The following IGDCC4 variants were observed in gnomAD, a reference collection of about 807,000 sequenced individuals.
The protein encoded by IGDCC4 is immunoglobulin superfamily DCC subclass member 4.
A neutral mutation model predicts 116.6 loss-of-function variants in IGDCC4; 72 were observed. The observed-to-expected ratio is 0.62, with a 90% confidence interval of 0.51 to 0.75. The LOEUF (loss-of-function observed/expected upper bound fraction) is 0.75, where lower values mean the gene tolerates loss of function less well. Ranked by LOEUF, IGDCC4 falls within the 30% of genes least tolerant of loss-of-function variation. IGDCC4 has a pLI of 0.00. For missense variants in IGDCC4, 1,501 were observed against 1,662.4 expected (o/e 0.90, Z 1.69); for synonymous variants, 709 against 719.9 (o/e 0.98, Z 0.24).
rs375244566 is a variant in IGDCC4, at chr15:65,381,671, A to G, written c.*2338T>C. ...TACTGATTACACTTGTCATGCATCA[A>G]GAAAAGGAAGATTTTTAATTGAGAC... On this transcript the variant is annotated 3_prime_UTR_variant, in exon 20 of 20. Transcript: ENST00000352385. The G allele has an allele frequency of 1.5e-4, 23 of 152,274 alleles. No individual in the cohort carries two copies. The highest frequency in any genetic ancestry group is 5.5e-4 in the African/African-American group (23 of 41,478). The allele number at this position is 152,274 out of a possible 1,614,324, so 9.4% of individuals were successfully genotyped here. A position where few individuals can be genotyped will look rare whatever the true frequency, so the allele number is the denominator to read the frequency against.
intron 1 of IGDCC4, among the ~76,000 whole-genome samples, chr15:65,421,633 GTC>G (rs1278369432): frequency 6.6e-6 from 1 of 151,994 alleles, no homozygotes; most frequent in African/African-American, 2.4e-5. Context: ...GCCTGGCTGA[GTC>G]TCTCTGGAAA....
intron 10 of IGDCC4, 58 bp from the exon 11 acceptor site, chr15:65,392,428 A>G: frequency 7.5e-7 from 1 of 1,327,906 alleles, no homozygotes; most frequent in Non-Finnish European, 1.0e-6. Flanking sequence ...AATGAGGAGA[A>G]GGAGGCCAGG....
intron 5 of IGDCC4, among the ~76,000 whole-genome samples, chr15:65,398,067 C>T (rs2062943919): frequency 1.3e-5 from 2 of 152,124 alleles, no homozygotes; most frequent in African/African-American, 2.4e-5. Context: ...ACTATAAATG[C>T]GGCACATGTT....
In IGDCC4 at chr15:65,391,923, A is replaced by G; in HGVS notation, c.2181T>C (p.Tyr727=). Residue 727 remains tyrosine, a synonymous_variant, in exon 12 of 20, where the codon TAT becomes TAC. Transcript: ENST00000352385. ...CCGTCTTGCCCTTCCACACTGCTGC[A>G]TAGCCATCCTCATGTTTGTTGAAAG... The part of the protein sequence containing the change: ...LVAFNKHEDG[Y]AAVWKGKTEK... The G allele has an allele frequency of 1.9e-6, 3 of 1,613,700 alleles. No individual in the cohort carries two copies. The highest frequency in any genetic ancestry group is 2.5e-6 in the Non-Finnish European group (3 of 1,179,898).
intron 5 of IGDCC4, 23 bp downstream of exon 5, chr15:65,400,783 C>G: frequency 6.4e-7 from 1 of 1,571,974 alleles, no homozygotes; most frequent in Non-Finnish European, 8.6e-7. Context: ...CCATGCCCTC[C>G]TTCTCCCACC....
chr15:65,399,409 C>T (rs796413240), intron 5 of IGDCC4, among the ~76,000 whole-genome samples: 1 of 136,170 alleles, frequency 7.3e-6, no homozygotes, highest in South Asian at 2.4e-4. Context: ...CTGCAGTAAG[C>T]TGTGATTACA....
At chr15:65,400,726 A>G (rs1264180024) in intron 5 of IGDCC4, 80 bp downstream of exon 5, 3 of 1,506,450 alleles carry the variant, frequency 2.0e-6, no homozygotes, top group Non-Finnish European at 2.7e-6. Flanking sequence ...CGTCACCCAT[A>G]CATCCCCCTG....
At chr15:65,391,790 T>C (rs1386863412) in intron 12 of IGDCC4, 90 bp downstream of exon 12, 8 of 1,174,884 alleles carry the variant, frequency 6.8e-6, no homozygotes, top group Middle Eastern at 2.8e-4. Context: ...AAGTACCTGC[T>C]CACCAGGCTG....
chr15:65,405,238 G>A (rs1485211686), intron 3 of IGDCC4, among the ~76,000 whole-genome samples: 4 of 151,074 alleles, frequency 2.6e-5, no homozygotes, highest in Non-Finnish European at 2.9e-5. Flanking sequence ...GGCAAAGCTC[G>A]TGTGGTTTAT....
rs774750716 is a variant in IGDCC4, at chr15:65,394,415, C to T, written c.1710G>A (p.Lys570=). Residue 570 remains lysine, a synonymous_variant, in exon 9 of 20, where the codon AAG becomes AAA. Transcript: ENST00000352385. ...AGCCCACCCACCCCCACTCACCTTC[C>T]TTTCCCAAACCGTATTCTATCTTGT... ...VKYKIEYGLG[K]EDQIFSTEVR... 3 of 1,613,964 alleles carry T rather than the reference C, an allele frequency of 1.9e-6. No homozygotes were observed. The African/African-American group carries it at 4.0e-5, about 22-fold the overall frequency.
rs1174970772 is a variant in IGDCC4, at chr15:65,383,840, G to A, written c.*169C>T. On this transcript the variant is annotated 3_prime_UTR_variant, in exon 20 of 20. Coordinates refer to ENST00000352385, the MANE Select transcript of IGDCC4 (RefSeq NM_020962.3). ...CACATGTGTATCACAAAGAGTATGG[G>A]GGGAGTGAATAATCCATGTTTTCCT... 8 of 562,172 alleles carry A rather than the reference G, an allele frequency of 1.4e-5. No homozygotes were observed. The highest frequency in any genetic ancestry group is 2.5e-5 in the Non-Finnish European group (8 of 323,514). The allele number at this position is 562,172 out of a possible 1,614,324, so 34.8% of individuals were successfully genotyped here.
At chr15:65,416,141 T>TG (rs1304183641) in intron 1 of IGDCC4, among the ~76,000 whole-genome samples, 2 of 132,994 alleles carry the variant, frequency 1.5e-5, no homozygotes, top group African/African-American at 6.0e-5. Context: ...TTTGACTTTT[T>TG]TTTTTTTTTT....
intron 16 of IGDCC4, among the ~76,000 whole-genome samples, chr15:65,387,332 G>A (rs909220755): frequency 2.0e-5 from 3 of 150,382 alleles, no homozygotes; most frequent in Non-Finnish European, 4.4e-5. Context: ...CACCATGCCC[G>A]ACCTCTAGCT....
Position 65,395,172 on chromosome 15 carries a change from C to T in IGDCC4, c.1498G>A (p.Glu500Lys). 4 of 1,614,024 alleles carry T rather than the reference C, an allele frequency of 2.5e-6. No individual in the cohort carries two copies. Among genetic ancestry groups the T allele is most frequent in the Non-Finnish European group, 3.4e-6 (4 of 1,179,952 alleles). ...TGGGAGTAGGCCACCACGTAGAACT[C>T]ATAATCTGTGTTGGGTTCCAGGTCC... The part of the protein sequence containing the change: ...VRDLEPNTDY[E>K]FYVVAYSQLG... Residue 500 changes from glutamate (E) to lysine (K), a missense_variant, in exon 8 of 20, where the codon GAG becomes AAG. Coordinates refer to ENST00000352385, the MANE Select transcript of IGDCC4 (RefSeq NM_020962.3).
intron 2 of IGDCC4, chr15:65,410,638 G>A (rs1028636432): frequency 4.2e-6 from 2 of 475,248 alleles, no homozygotes; most frequent in Admixed American, 6.9e-5. Flanking sequence ...TAAGGGGTAA[G>A]GCTGGAGCGT....
At chr15:65,386,707 AG>A in intron 16 of IGDCC4, 51 bp from the exon 17 acceptor site, 1 of 1,421,202 alleles carries the variant, frequency 7.0e-7, no homozygotes, top group Non-Finnish European at 9.8e-7. Flanking sequence ...GGAAGGGCAC[AG>A]GGCATAGATC....
chr15:65,410,714 C>A (rs1451206812), intron 2 of IGDCC4: 2 of 471,088 alleles, frequency 4.2e-6, no homozygotes, highest in African/African-American at 3.9e-5. Context: ...CAGCTTTGTG[C>A]CTCTGACACA....
Position 65,382,860 on chromosome 15 carries a change from C to G in IGDCC4, c.*1149G>C, listed in dbSNP as rs1414767657. Reference sequence around the variant, plus strand: ...AAATCATCTCCATCCAGTAAACTTGCCCCCCTGCATAGAAGGGAGGGCATC... The same window carrying G: ...AAATCATCTCCATCCAGTAAACTTGGCCCCCTGCATAGAAGGGAGGGCATC... On this transcript the variant is annotated 3_prime_UTR_variant, in exon 20 of 20. Transcript: ENST00000352385. The G allele has an allele frequency of 1.3e-5, 2 of 152,074 alleles. No individual in the cohort carries two copies. The highest frequency in any genetic ancestry group is 3.9e-4 in the East Asian group (2 of 5,192). The allele number at this position is 152,074 out of a possible 1,614,324, so 9.4% of individuals were successfully genotyped here.
chr15:65,401,292 G>A (rs1038355927), intron 4 of IGDCC4, among the ~76,000 whole-genome samples: 1 of 152,218 alleles, frequency 6.6e-6, no homozygotes, highest in Non-Finnish European at 1.5e-5. Context: ...AACAGTTATA[G>A]TTTCTAGTTC....
Sources: gnomAD v4.1 joint callset for allele counts (sites outside exome capture counted in the v4.1 genomes callset) on GRCh38, gnomAD v4.1.1 for gene constraint, MANE v1.5 for transcripts, NCBI Gene and HGNC (gene_info 2026-07-23, HGNC 2026-07-21) for gene names.